NELL1: variants seen among roughly 807,000 people sequenced by gnomAD.
NELL1 encodes the protein protein kinase C-binding protein NELL1.
A neutral mutation model predicts 107.4 loss-of-function variants in NELL1; 76 were observed. The observed-to-expected ratio is 0.71, with a 90% CI of 0.59 to 0.86. The LOEUF is 0.86. Ranked by LOEUF, NELL1 falls within the 40% of genes least tolerant of loss-of-function variation. The pLI, the probability that NELL1 is intolerant of heterozygous loss-of-function variation, is 0.00. For synonymous variants in NELL1, 353 were observed against 341.2 expected (o/e 1.03, Z -0.38); for missense variants, 1,024 against 1,005.5 (o/e 1.02, Z -0.25).
intron 15 of NELL1, among the ~76,000 whole-genome samples, chr11:21,487,087 G>A (rs540108367): frequency 6.6e-6 from 1 of 152,216 alleles, no homozygotes; most frequent in East Asian, 1.9e-4. Flanking sequence ...TCAGGCAAAA[G>A]ATTTAGATAT....
intron 9 of NELL1, among the ~76,000 whole-genome samples, chr11:20,929,976 A>G (rs911778484): frequency 7.4e-6 from 1 of 135,868 alleles, no homozygotes; most frequent in African/African-American, 3.2e-5. Context: ...TCTCAAAAAA[A>G]AAAAAGAAAA....
At chr11:21,548,554 A>G (rs1246128667) in intron 16 of NELL1, among the ~76,000 whole-genome samples, 2 of 151,928 alleles carry the variant, frequency 1.3e-5, no homozygotes, top group African/African-American at 2.4e-5. Context: ...TGTGAGACCT[A>G]TTCACTACCA....
At chr11:21,260,906 A>G (rs1848516668) in intron 14 of NELL1, among the ~76,000 whole-genome samples, 1 of 151,872 alleles carries the variant, frequency 6.6e-6, no homozygotes, top group African/African-American at 2.4e-5. Context: ...CCTTTAGAAG[A>G]CATATTAATA....
intron 17 of NELL1, among the ~76,000 whole-genome samples, chr11:21,565,706 G>A (rs1856955634): frequency 6.6e-6 from 1 of 151,948 alleles, no homozygotes; most frequent in Admixed American, 6.6e-5. Context: ...TGAAAGTTCA[G>A]GTTAGGGATA....
At chr11:21,241,178 G>T (rs972257645) in intron 14 of NELL1, among the ~76,000 whole-genome samples, 1 of 152,186 alleles carries the variant, frequency 6.6e-6, no homozygotes, top group Middle Eastern at 3.4e-3. Flanking sequence ...TGGACCAGGA[G>T]ACTTTAGGAA....
At chr11:21,367,261 T>TACAC (rs72275889) in intron 14 of NELL1, among the ~76,000 whole-genome samples, 170 of 145,232 alleles carry the variant, frequency 1.2e-3, no homozygotes, top group East Asian at 2.7e-3. Flanking sequence ...TTTATCTTAC[T>TACAC]ACACACACAC....
chr11:21,531,798 G>T (rs111856319), intron 15 of NELL1, among the ~76,000 whole-genome samples: 3 of 152,078 alleles, frequency 2.0e-5, no homozygotes, highest in African/African-American at 7.2e-5. Context: ...ACAAATCTTT[G>T]CCTCTGAGGA....
At chr11:20,778,799 A>G (rs1323043410) in intron 2 of NELL1, among the ~76,000 whole-genome samples, 1 of 152,180 alleles carries the variant, frequency 6.6e-6, no homozygotes, top group Non-Finnish European at 1.5e-5. Context: ...AGCCTCACGG[A>G]CAGACTAAAT....
chr11:21,132,235 G>A (rs971408870), intron 13 of NELL1, among the ~76,000 whole-genome samples: 34 of 152,018 alleles, frequency 2.2e-4, no homozygotes, highest in African/African-American at 6.8e-4. Context: ...GTATATGCAC[G>A]CGTGCACACA....
intron 15 of NELL1, among the ~76,000 whole-genome samples, chr11:21,532,101 G>A (rs1856004291): frequency 6.6e-6 from 1 of 152,176 alleles, no homozygotes; most frequent in South Asian, 2.1e-4. Flanking sequence ...ATGTGAACCT[G>A]ATTATTTCCA....
At chr11:20,763,187 A>G (rs1331923281) in intron 2 of NELL1, among the ~76,000 whole-genome samples, 2 of 152,034 alleles carry the variant, frequency 1.3e-5, no homozygotes, top group East Asian at 3.9e-4. Context: ...CTCAGGGTTT[A>G]TCTTTGTCCT....
At chr11:21,235,405 A>G (rs1030573595) in intron 14 of NELL1, among the ~76,000 whole-genome samples, 17 of 152,174 alleles carry the variant, frequency 1.1e-4, no homozygotes, top group African/African-American at 4.1e-4. Context: ...CAGGTAGATT[A>G]GAGGTGGCTT....
At chr11:21,140,053 A>G (rs775664656) in intron 13 of NELL1, among the ~76,000 whole-genome samples, 7 of 152,152 alleles carry the variant, frequency 4.6e-5, no homozygotes, top group Non-Finnish European at 8.8e-5. Context: ...AAGTGCTAGA[A>G]AGCTCCTTTT....
rs71034511 is a variant in NELL1 at position 21,364,410 on chromosome 11, CAAAAA to C, written c.1550-6420_1550-6416del. Among the ~76,000 whole-genome samples, 708 of 75,536 alleles carry C rather than the reference CAAAAA, an allele frequency of 9.4e-3. 1 individual carries two copies. The highest frequency in any genetic ancestry group is 0.011 in the Non-Finnish European group (511 of 45,498). 49.6% of individuals were successfully genotyped at this position (75,536 alleles called of 152,430 possible). ...TGGGAGACACAGCAAGACTCTGTCT[CAAAAA>C]AAAAAAAAAAAAAAAAAAAAAAGAC... On this transcript the variant is annotated intron_variant, in intron 14 of 19. Coordinates refer to ENST00000357134, the MANE Select transcript of NELL1 (RefSeq NM_006157.5).
At chr11:20,823,522 C>G (rs982502245) in intron 3 of NELL1, among the ~76,000 whole-genome samples, 1 of 151,210 alleles carries the variant, frequency 6.6e-6, no homozygotes, top group African/African-American at 2.4e-5. Flanking sequence ...ACACATGCAG[C>G]CAAATCCCCT....
chr11:20,800,043 C>A (rs1857251009), intron 3 of NELL1, among the ~76,000 whole-genome samples: 1 of 152,210 alleles, frequency 6.6e-6, no homozygotes, highest in African/African-American at 2.4e-5. Context: ...TGATTTTGTT[C>A]TTTTCAATGG....
chr11:21,376,185 A>G (rs1428049410), intron 15 of NELL1, among the ~76,000 whole-genome samples: 2 of 152,044 alleles, frequency 1.3e-5, no homozygotes, highest in Non-Finnish European at 2.9e-5. Flanking sequence ...TTGAGGTCTT[A>G]TATTTAATTC....
chr11:21,537,899 G>A lies in NELL1; in HGVS notation c.1786+3385G>A, dbSNP rs142672615. ...TTTTATTTAAAAAAATGTTTATTGAGAACAACCATCATACCAGCACTGCCT... is the reference window on the plus strand; with the variant it reads ...TTTTATTTAAAAAAATGTTTATTGAAAACAACCATCATACCAGCACTGCCT... On this transcript the variant is annotated intron_variant, in intron 16 of 19. Transcript: ENST00000357134. Among the ~76,000 whole-genome samples, 377 of 152,116 alleles carry A rather than the reference G, an allele frequency of 2.5e-3. 3 individuals are homozygous for A. Among genetic ancestry groups the A allele is most frequent in the Middle Eastern group, 0.014 (4 of 294 alleles).
chr11:21,515,693 G>T (rs570575783), intron 15 of NELL1, among the ~76,000 whole-genome samples: 3 of 152,318 alleles, frequency 2.0e-5, no homozygotes, highest in Admixed American at 1.3e-4. Flanking sequence ...TGCTGCACCT[G>T]CCCTAAGGGA....
Sources: gnomAD v4.1 joint callset for allele counts (sites outside exome capture counted in the v4.1 genomes callset) on GRCh38, gnomAD v4.1.1 for gene constraint, MANE v1.5 for transcripts, NCBI Gene and HGNC (gene_info 2026-07-23, HGNC 2026-07-21) for gene names.